CNTN5: variants seen among roughly 807,000 people sequenced by gnomAD.
The protein encoded by CNTN5 is contactin-5.
A neutral mutation model predicts 129.1 loss-of-function variants in CNTN5; 77 were observed. The ratio of observed to expected loss-of-function variants is 0.60; its 90% confidence interval spans 0.50 to 0.72. The LOEUF (loss-of-function observed/expected upper bound fraction) is 0.72. Among genes scored for constraint, CNTN5 ranks in the 30% least tolerant of loss-of-function variants. The pLI is 0.00. For missense variants in CNTN5, 1,478 were observed against 1,328.8 expected (o/e 1.11, Z -1.75); for synonymous variants, 509 against 465.6 (o/e 1.09, Z -1.20).
intron 20 of CNTN5, among the ~76,000 whole-genome samples, chr11:100,305,222 T>A (rs1951320836): frequency 6.6e-6 from 1 of 151,568 alleles, no homozygotes; most frequent in Non-Finnish European, 1.5e-5. Context: ...TCTGTACGTT[T>A]TACTTTTCTA....
intron 9 of CNTN5, among the ~76,000 whole-genome samples, chr11:100,054,996 C>G (rs1943138497): frequency 7.8e-6 from 1 of 127,626 alleles, no homozygotes; most frequent in African/African-American, 3.0e-5. Context: ...TTCTTCTATA[C>G]TTGATTGCCA....
At chr11:99,663,827 A>G (rs1952686713) in intron 3 of CNTN5, among the ~76,000 whole-genome samples, 1 of 152,178 alleles carries the variant, frequency 6.6e-6, no homozygotes, top group South Asian at 2.1e-4. Flanking sequence ...TCTTTTCTTT[A>G]TACTTACCCA....
intron 3 of CNTN5, among the ~76,000 whole-genome samples, chr11:99,589,015 T>C (rs1949894995): frequency 6.6e-6 from 1 of 152,316 alleles, no homozygotes; most frequent in African/African-American, 2.4e-5. Flanking sequence ...CAATAATATA[T>C]GTATCTTGAT....
intron 13 of CNTN5, among the ~76,000 whole-genome samples, chr11:100,134,154 G>T (rs557999045): frequency 3.7e-4 from 56 of 152,128 alleles, no homozygotes; most frequent in African/African-American, 1.3e-3. Context: ...ATAGAGAAGG[G>T]CTCATAGCTG....
At chr11:99,049,218 G>T (rs1864327824) in intron 1 of CNTN5, among the ~76,000 whole-genome samples, 1 of 152,080 alleles carries the variant, frequency 6.6e-6, no homozygotes, top group Non-Finnish European at 1.5e-5. Flanking sequence ...TTAATAAATT[G>T]AAGTTGACTT....
chr11:99,326,163 G>A (rs1865779861), intron 2 of CNTN5, among the ~76,000 whole-genome samples: 1 of 152,086 alleles, frequency 6.6e-6, no homozygotes, highest in Non-Finnish European at 1.5e-5. Context: ...TACATCAATG[G>A]ACATTTATTA....
At chr11:99,771,972 T>A (rs567431437) in intron 3 of CNTN5, among the ~76,000 whole-genome samples, 1 of 151,740 alleles carries the variant, frequency 6.6e-6, no homozygotes, top group East Asian at 1.9e-4. Context: ...AAAAAAAACC[T>A]GAAAAAAATG....
At chr11:99,153,832 T>TC (rs1441273690) in intron 1 of CNTN5, among the ~76,000 whole-genome samples, 1 of 145,696 alleles carries the variant, frequency 6.9e-6, no homozygotes, top group Non-Finnish European at 1.5e-5. Flanking sequence ...TTTTTTTTTT[T>TC]TTGCTTTTCT....
At chr11:100,078,609 G>T (rs1048479271) in intron 13 of CNTN5, among the ~76,000 whole-genome samples, 4 of 152,080 alleles carry the variant, frequency 2.6e-5, no homozygotes, top group Non-Finnish European at 2.9e-5. Flanking sequence ...GGACTTACTT[G>T]CTCTGCTTAT....
At chr11:99,076,428 T>C (rs901693931) in intron 1 of CNTN5, among the ~76,000 whole-genome samples, 1 of 151,972 alleles carries the variant, frequency 6.6e-6, no homozygotes, top group African/African-American at 2.4e-5. Context: ...CTCCCAAATA[T>C]ATAGAAACAT....
intron 16 of CNTN5, 46 bp downstream of exon 16, chr11:100,224,858 T>C (rs1258793411): frequency 1.2e-5 from 19 of 1,600,554 alleles, no homozygotes; most frequent in Non-Finnish European, 1.5e-5. Flanking sequence ...CACCATAAAT[T>C]ATCATACAAA....
intron 7 of CNTN5, among the ~76,000 whole-genome samples, chr11:99,932,201 A>AT (rs1261011715): frequency 6.6e-6 from 1 of 151,578 alleles, no homozygotes; most frequent in Admixed American, 6.6e-5. Context: ...ATTTTATTTT[A>AT]TTTTTTTGAG....
At chr11:100,342,623 T>C (rs748356707) in intron 23 of CNTN5, among the ~76,000 whole-genome samples, 5 of 152,142 alleles carry the variant, frequency 3.3e-5, no homozygotes, top group Non-Finnish European at 5.9e-5. Context: ...TCTTTCCCAG[T>C]CATTGTTCTT....
At chr11:99,996,118 G>C (rs1035341) in intron 8 of CNTN5, among the ~76,000 whole-genome samples, 2 of 151,868 alleles carry the variant, frequency 1.3e-5, no homozygotes, top group East Asian at 3.9e-4. Context: ...GCAAATTATA[G>C]TGTTATTATT....
chr11:99,864,370 C>A (rs1948298464), intron 6 of CNTN5, among the ~76,000 whole-genome samples: 1 of 152,012 alleles, frequency 6.6e-6, no homozygotes, highest in Non-Finnish European at 1.5e-5. Context: ...ATCGTCCTGC[C>A]ACTCACTCTC....
chr11:100,120,247 A>G (rs2138158573), intron 13 of CNTN5, among the ~76,000 whole-genome samples: 1 of 152,088 alleles, frequency 6.6e-6, no homozygotes. Context: ...CAAGCATGTG[A>G]TTAAGGATTT....
chr11:100,165,546 TAGTA>T (rs1259822901), intron 13 of CNTN5, among the ~76,000 whole-genome samples: 1 of 151,846 alleles, frequency 6.6e-6, no homozygotes, highest in Non-Finnish European at 1.5e-5. Context: ...TTAGGTTTCT[TAGTA>T]AGAAAGTTCC....
chr11:99,025,522 T>C (rs1863075036), intron 1 of CNTN5, among the ~76,000 whole-genome samples: 1 of 151,714 alleles, frequency 6.6e-6, no homozygotes, highest in Non-Finnish European at 1.5e-5. Context: ...AAACGTAGCA[T>C]ATGTTTAGGA....
At position 99,898,665 on chromosome 11, in the gene CNTN5, C is replaced by T. The variant is rs1367335017; in HGVS notation, c.578-17389C>T. Among the ~76,000 whole-genome samples, 3 of 151,868 alleles carry T rather than the reference C, an allele frequency of 2.0e-5. No individual in the cohort carries two copies. The East Asian group carries it at 5.8e-4, about 29-fold the overall frequency. On this transcript the variant is annotated intron_variant, in intron 6 of 24. Coordinates refer to ENST00000524871, the MANE Select transcript of CNTN5 (RefSeq NM_014361.4). Reference sequence around the variant, plus strand: ...TCATTTTGTTATTTAAAGAATATTCCTAGAAATTATGTATTTTCATTGTGT... The same window carrying T: ...TCATTTTGTTATTTAAAGAATATTCTTAGAAATTATGTATTTTCATTGTGT...
Sources: allele counts gnomAD v4.1 joint callset (sites outside exome capture counted in the v4.1 genomes callset), GRCh38; gene constraint gnomAD v4.1.1; transcripts MANE v1.5; gene names NCBI Gene and HGNC (gene_info 2026-07-23, HGNC 2026-07-21).